CNTLN: variants seen among roughly 807,000 people sequenced by gnomAD.
CNTLN encodes centlein.
In CNTLN, 212 loss-of-function variants were observed where a neutral mutation model predicts 180.0. That is an observed-to-expected ratio of 1.18 (90% CI 1.05 to 1.32). The LOEUF is 1.32. Among genes scored for constraint, CNTLN ranks in the 40% most tolerant of loss-of-function variants. CNTLN has a pLI of 0.00. For synonymous variants in CNTLN, 722 were observed against 563.1 expected, an observed-to-expected ratio of 1.28 and a Z score of -3.99; for missense variants, 2,095 against 1,610.9, an observed-to-expected ratio of 1.30 and a Z score of -5.14.
chr9:17,319,341 T>C (rs4272484), intron 8 of CNTLN, among the ~76,000 whole-genome samples: 77,993 of 152,090 alleles, frequency 0.51, 21,111 homozygotes, highest in Non-Finnish European at 0.6. Context: ...ATTTCTGTCA[T>C]GTTCCAGGTC....
Position 17,465,971 on chromosome 9 carries a change from T to A in CNTLN, c.3532-10T>A, listed in dbSNP as rs767778357. The A allele has an allele frequency of 6.3e-7, 1 of 1,591,966 alleles. No individual in the cohort carries two copies. The highest frequency in any genetic ancestry group is 2.3e-5 in the East Asian group (1 of 44,402). The stretch of plus-strand genomic sequence containing the variant: ...CAACAATAATAATTACCTTTATGCT[T>A]TTAATGTAGGTAAAGACATTAACTG... On this transcript the variant is annotated splice_polypyrimidine_tract_variant and intron_variant, in intron 21 of 25. Transcript: ENST00000380647.
intron 12 of CNTLN, among the ~76,000 whole-genome samples, chr9:17,347,413 A>G (rs1388701641): frequency 6.6e-6 from 1 of 152,206 alleles, no homozygotes. Context: ...TCATGCCTGT[A>G]ATCCCAGCAC....
chr9:17,214,632 T>C (rs1330265186), intron 2 of CNTLN, among the ~76,000 whole-genome samples: 1 of 152,234 alleles, frequency 6.6e-6, no homozygotes, highest in Admixed American at 6.5e-5. Flanking sequence ...TTCTTCTGGA[T>C]AATATCCTGC....
intron 6 of CNTLN, among the ~76,000 whole-genome samples, chr9:17,290,017 T>G (rs1829260651): frequency 6.6e-6 from 1 of 152,216 alleles, no homozygotes; most frequent in African/African-American, 2.4e-5. Context: ...CTCGTCAGAA[T>G]CATTCTCCAT....
intron 8 of CNTLN, among the ~76,000 whole-genome samples, chr9:17,326,963 A>C (rs1012019952): frequency 2.0e-5 from 3 of 152,182 alleles, no homozygotes; most frequent in African/African-American, 7.2e-5. Flanking sequence ...GAAAAAACTA[A>C]GGAAATATGA....
chr9:17,457,500 T>G, intron 18 of CNTLN, 24 bp from the exon 19 acceptor site: 1 of 1,181,856 alleles, frequency 8.5e-7, no homozygotes. Flanking sequence ...ATATTTATAT[T>G]TATTTTCTTT....
intron 2 of CNTLN, among the ~76,000 whole-genome samples, chr9:17,157,599 G>C (rs998515872): frequency 6.6e-6 from 1 of 152,174 alleles, no homozygotes; most frequent in African/African-American, 2.4e-5. Flanking sequence ...CGTTTGAATT[G>C]ATGAACTGAG....
At chr9:17,214,624 C>T (rs943055382) in intron 2 of CNTLN, among the ~76,000 whole-genome samples, 1 of 152,216 alleles carries the variant, frequency 6.6e-6, no homozygotes, top group Non-Finnish European at 1.5e-5. Context: ...TGGGGAAGTT[C>T]TTCTGGATAA....
At chr9:17,204,361 G>T (rs1662844084) in intron 2 of CNTLN, among the ~76,000 whole-genome samples, 2 of 151,674 alleles carry the variant, frequency 1.3e-5, no homozygotes, top group Middle Eastern at 6.8e-3. Flanking sequence ...TAGTTTTTTT[G>T]TTTTTTTTAT....
intron 23 of CNTLN, among the ~76,000 whole-genome samples, chr9:17,472,992 CT>C (rs1388492796): frequency 1.3e-5 from 2 of 152,130 alleles, no homozygotes; most frequent in Non-Finnish European, 2.9e-5. Context: ...TCGTCACTTT[CT>C]TGCATATATC....
At chr9:17,181,898 G>A (rs889015751) in intron 2 of CNTLN, among the ~76,000 whole-genome samples, 1 of 152,186 alleles carries the variant, frequency 6.6e-6, no homozygotes, top group Non-Finnish European at 1.5e-5. Context: ...GGGAGGAAGG[G>A]AGCCTTGTTA....
intron 5 of CNTLN, among the ~76,000 whole-genome samples, chr9:17,266,469 A>G (rs372858539): frequency 5.9e-5 from 9 of 152,052 alleles, no homozygotes; most frequent in Non-Finnish European, 8.8e-5. Flanking sequence ...TATGTGGTCA[A>G]TTTTGGAATA....
In CNTLN at chr9:17,332,611, C is replaced by T. The variant is rs1464536873; in HGVS notation, c.1525C>T (p.Pro509Ser). Residue 509 changes from proline (P) to serine (S), a missense_variant, in exon 10 of 26, where the codon CCT becomes TCT. Transcript: ENST00000380647. ...TCCTTGTTTTATTCTCGAGGAACCA[C>T]CTGTGAAACGTTCAAGGTCTTTGTC... ...TSAEGKHKEPPVKRSRSLSPK... is the reference protein window; with the variant it reads ...TSAEGKHKEPSVKRSRSLSPK... 6.2e-7 allele frequency: 1 copy of T among 1,604,990 alleles called. No individual in the cohort carries two copies. The highest frequency in any genetic ancestry group is 8.5e-7 in the Non-Finnish European group (1 of 1,176,196).
intron 10 of CNTLN, 40 bp downstream of exon 10, chr9:17,332,770 G>GATAAAA: frequency 6.6e-7 from 1 of 1,504,196 alleles, no homozygotes; most frequent in East Asian, 2.4e-5. Flanking sequence ...ACCTTGCAAA[G>GATAAAA]ATAAAAATAT....
At chr9:17,419,489 C>T (rs1251966912) in intron 18 of CNTLN, among the ~76,000 whole-genome samples, 1 of 152,104 alleles carries the variant, frequency 6.6e-6, no homozygotes, top group Non-Finnish European at 1.5e-5. Flanking sequence ...AAATGTTATA[C>T]ACATGCAATG....
intron 18 of CNTLN, among the ~76,000 whole-genome samples, chr9:17,435,559 CTTT>C (rs35562399): frequency 6.9e-6 from 1 of 144,162 alleles, no homozygotes; most frequent in African/African-American, 2.6e-5. Flanking sequence ...AAGAGTGGCT[CTTT>C]TTTTTTTTTT....
intron 5 of CNTLN, among the ~76,000 whole-genome samples, chr9:17,248,216 C>T (rs1825920126): frequency 6.6e-6 from 1 of 152,062 alleles, no homozygotes; most frequent in Non-Finnish European, 1.5e-5. Context: ...CTTTATTTTA[C>T]ACTTGCTTTG....
At chr9:17,199,119 T>A (rs1822336015) in intron 2 of CNTLN, among the ~76,000 whole-genome samples, 1 of 151,890 alleles carries the variant, frequency 6.6e-6, no homozygotes, top group African/African-American at 2.4e-5. Context: ...TCTTCCACAG[T>A]GGTTGAACTA....
At chr9:17,418,643 T>C (rs2133903914) in intron 18 of CNTLN, among the ~76,000 whole-genome samples, 1 of 152,164 alleles carries the variant, frequency 6.6e-6, no homozygotes, top group East Asian at 1.9e-4. Context: ...AATATTCTAA[T>C]TTAATTATTT....
Sources: gnomAD v4.1 joint callset for allele counts (sites outside exome capture counted in the v4.1 genomes callset) on GRCh38, gnomAD v4.1.1 for gene constraint, MANE v1.5 for transcripts, NCBI Gene and HGNC (gene_info 2026-07-23, HGNC 2026-07-21) for gene names.